Variants in FGD6 observed in about 807,000 individuals in gnomAD.
FGD6 encodes FYVE, RhoGEF and PH domain-containing protein 6.
A neutral mutation model predicts 149.4 loss-of-function variants in FGD6; 90 were observed. That is an observed-to-expected ratio of 0.60 (90% CI 0.51 to 0.72). The LOEUF (loss-of-function observed/expected upper bound fraction) is 0.72, where lower values mean the gene tolerates loss of function less well. Among genes scored for constraint, FGD6 ranks in the 30% least tolerant of loss-of-function variants. FGD6 has a pLI of 0.00. For missense variants in FGD6, 1,437 were observed against 1,684.8 expected (o/e 0.85, Z 2.57); for synonymous variants, 527 against 584.0 (o/e 0.90, Z 1.41).
At chr12:95,211,360 T>C in intron 1 of FGD6, 93 bp from the exon 2 acceptor site, 1 of 1,428,158 alleles carries the variant, frequency 7.0e-7, no homozygotes, top group Non-Finnish European at 9.3e-7. Context: ...TTTTTAACAA[T>C]ATGACCTTGC....
At chr12:95,122,645 CAAAAAAAAA>C (rs397687285) in intron 8 of FGD6, among the ~76,000 whole-genome samples, 1 of 64,430 alleles carries the variant, frequency 1.6e-5, no homozygotes, top group Non-Finnish European at 2.7e-5. Context: ...GACTCAGTCT[CAAAAAAAAA>C]AAAAAAAAAA....
At chr12:95,182,456 C>T (rs1395660188) in intron 2 of FGD6, among the ~76,000 whole-genome samples, 1 of 152,144 alleles carries the variant, frequency 6.6e-6, no homozygotes, top group African/African-American at 2.4e-5. Flanking sequence ...CTGCCTTGGC[C>T]TCCCAAAGTG....
At chr12:95,214,861 CTTTTTTTT>C (rs1171146305) in intron 1 of FGD6, among the ~76,000 whole-genome samples, 6 of 129,218 alleles carry the variant, frequency 4.6e-5, no homozygotes, top group East Asian at 2.2e-4. Context: ...CTCCTTTTTT[CTTTTTTTT>C]TTTTTTTTTT....
rs1192901454 is a variant in FGD6 at position 95,079,356 on chromosome 12, C to G, written c.*2164G>C. 2 of 152,222 alleles carry G rather than the reference C, an allele frequency of 1.3e-5. No individual in the cohort carries two copies. Among genetic ancestry groups the G allele is most frequent in the African/African-American group, 4.8e-5 (2 of 41,454 alleles). 9.4% of individuals were successfully genotyped at this position (152,222 alleles called of 1,614,324 possible). ...AGTTTGTGCCAGATTTCTTCCCTCT[C>G]TCACTCTCTTTAGATTTAGAACTGG... On this transcript the variant is annotated 3_prime_UTR_variant, in exon 21 of 21. Coordinates refer to ENST00000343958, the MANE Select transcript of FGD6 (RefSeq NM_018351.4).
At chr12:95,203,631 C>T (rs2136300367) in intron 2 of FGD6, among the ~76,000 whole-genome samples, 2 of 152,206 alleles carry the variant, frequency 1.3e-5, no homozygotes, top group East Asian at 3.9e-4. Flanking sequence ...TGGGAGTAGG[C>T]ATCACTTTTC....
chr12:95,145,807 G>A (rs1221885019), intron 5 of FGD6, among the ~76,000 whole-genome samples: 1 of 152,044 alleles, frequency 6.6e-6, no homozygotes, highest in Non-Finnish European at 1.5e-5. Context: ...TCGAGTAGCT[G>A]AGATTACAGG....
chr12:95,111,675 AC>A (rs1197507243), intron 9 of FGD6, among the ~76,000 whole-genome samples: 3 of 152,042 alleles, frequency 2.0e-5, no homozygotes, highest in Non-Finnish European at 1.5e-5. Context: ...TGCTCGGTGC[AC>A]CCTTACTTTG....
At chr12:95,166,992 A>G (rs1348885341) in intron 3 of FGD6, among the ~76,000 whole-genome samples, 2 of 150,808 alleles carry the variant, frequency 1.3e-5, no homozygotes, top group South Asian at 4.2e-4. Flanking sequence ...AAGTAGCTGG[A>G]ATTACAGATG....
At chr12:95,214,107 C>T (rs189450545) in intron 1 of FGD6, among the ~76,000 whole-genome samples, 1 of 152,272 alleles carries the variant, frequency 6.6e-6, no homozygotes, top group East Asian at 1.9e-4. Flanking sequence ...TTCAGTTCAC[C>T]TTTGTCTGTG....
chr12:95,124,783 T>C (rs899213184), intron 8 of FGD6, among the ~76,000 whole-genome samples: 3 of 152,194 alleles, frequency 2.0e-5, no homozygotes, highest in Non-Finnish European at 4.4e-5. Flanking sequence ...ATCATAAATG[T>C]AGGTGCAAAC....
At chr12:95,159,104 CAAAA>C (rs1315292722) in intron 3 of FGD6, among the ~76,000 whole-genome samples, 1 of 152,102 alleles carries the variant, frequency 6.6e-6, no homozygotes, top group Non-Finnish European at 1.5e-5. Context: ...GAGCTCGACA[CAAAA>C]ATTTCAAGTA....
At chr12:95,115,202 G>A in intron 8 of FGD6, among the ~76,000 whole-genome samples, 1 of 89,726 alleles carries the variant, frequency 1.1e-5, no homozygotes. Context: ...CAGGGGCTTT[G>A]CACAAAGGGG....
At chr12:95,089,011 A>G (rs969455098) in intron 18 of FGD6, among the ~76,000 whole-genome samples, 2 of 152,252 alleles carry the variant, frequency 1.3e-5, no homozygotes, top group Non-Finnish European at 2.9e-5. Context: ...CAAAATGGCA[A>G]TGCTGTTTGT....
chr12:95,183,573 A>G (rs1881344185), intron 2 of FGD6, among the ~76,000 whole-genome samples: 2 of 152,194 alleles, frequency 1.3e-5, no homozygotes, highest in South Asian at 4.1e-4. Context: ...CTCCAAGGCC[A>G]GGAGCGGTGG....
At chr12:95,108,825 T>C (rs917330297) in intron 9 of FGD6, among the ~76,000 whole-genome samples, 1 of 152,182 alleles carries the variant, frequency 6.6e-6, no homozygotes, top group Non-Finnish European at 1.5e-5. Flanking sequence ...AGAGACACTG[T>C]AGACCATGTT....
rs1879709366 is a variant in FGD6 at position 95,137,650 on chromosome 12, A to C, written c.2866T>G (p.Phe956Val). Reference protein sequence around the residue: ...WTEQQRIADIFVKKGPYLKMY... With the variant: ...WTEQQRIADIVVKKGPYLKMY... ...TTTAGATATGGTCCCTTCTTTACAAAGATATCAGCAATTCTTTGTTGTTCA... is the reference window on the plus strand; with the variant it reads ...TTTAGATATGGTCCCTTCTTTACAACGATATCAGCAATTCTTTGTTGTTCA... The change falls in exon 7 of 21, where the codon TTT becomes GTT. Residue 956 changes from phenylalanine to valine, a missense_variant. Physicochemically the swap from Phe to Val is conservative, Grantham distance 50. Transcript: ENST00000343958. The C allele has an allele frequency of 3.1e-6, 5 of 1,605,188 alleles. No homozygotes were observed. Among genetic ancestry groups the C allele is most frequent in the Non-Finnish European group, 3.4e-6 (4 of 1,177,118 alleles).
At chr12:95,094,787 A>C (rs1418343539) in intron 14 of FGD6, 93 bp from the exon 15 acceptor site, 3 of 864,106 alleles carry the variant, frequency 3.5e-6, no homozygotes, top group African/African-American at 3.3e-5. Flanking sequence ...AGATCCCACC[A>C]CCCTCCAACA....
intron 5 of FGD6, among the ~76,000 whole-genome samples, chr12:95,148,236 G>GA (rs1014015718): frequency 2.2e-5 from 3 of 134,432 alleles, no homozygotes; most frequent in Admixed American, 7.8e-5. Flanking sequence ...TTTTAACATG[G>GA]AAAAAAAAAT....
In FGD6 at chr12:95,081,113, A is replaced by T. The variant is rs1004331610; in HGVS notation, c.*407T>A. On this transcript the variant is annotated 3_prime_UTR_variant, in exon 21 of 21. Coordinates refer to ENST00000343958, the MANE Select transcript of FGD6 (RefSeq NM_018351.4). ...AATTCCTAAACCAAGCACTTTGTGG[A>T]AATTTGCTCCTTGCTATGTGTTTTT... 6.5e-6 allele frequency: 1 copy of T among 153,020 alleles called. No individual in the cohort carries two copies. Among genetic ancestry groups the T allele is most frequent in the African/African-American group, 2.4e-5 (1 of 41,472 alleles). 9.5% of individuals were successfully genotyped at this position (153,020 alleles called of 1,614,324 possible). A position where few individuals can be genotyped will look rare whatever the true frequency, so the allele number is the denominator to read the frequency against.
Sources: allele counts gnomAD v4.1 joint callset (sites outside exome capture counted in the v4.1 genomes callset), GRCh38; gene constraint gnomAD v4.1.1; transcripts MANE v1.5; gene names NCBI Gene and HGNC (gene_info 2026-07-23, HGNC 2026-07-21).